The following RYR3 variants were observed in gnomAD, a reference collection of about 807,000 sequenced individuals.
RYR3 encodes the protein brain ryanodine receptor-calcium release channel.
In RYR3, 207 loss-of-function variants were observed where a neutral mutation model predicts 584.3. The observed-to-expected ratio is 0.35, with a 90% CI of 0.32 to 0.40. The LOEUF (loss-of-function observed/expected upper bound fraction) is 0.40. Ranked by LOEUF, RYR3 falls within the 10% of genes least tolerant of loss-of-function variation. RYR3 has a pLI of 1.00. For synonymous variants in RYR3, 2,416 were observed against 2,248.5 expected, an observed-to-expected ratio of 1.07 and a Z score of -2.11; for missense variants, 5,616 against 6,089.2, an observed-to-expected ratio of 0.92 and a Z score of 2.59.
chr15:33,757,761 A>G, intron 60 of RYR3, 165 bp downstream of exon 60: 2 of 725,898 alleles, frequency 2.8e-6, no homozygotes, highest in South Asian at 3.7e-5. Context: ...TATCTGAATT[A>G]TTTCAGCAAC....
chr15:33,660,312 C>G lies in RYR3; in HGVS notation c.4511C>G (p.Pro1504Arg). ...TIQPVLWSRM[P>R]NSFLKVETER... ...CAGCCCGTGCTCTGGAGCCGCATGC[C>G]CAACAGCTTCCTGAAGGTGGAGACC... The change falls in exon 34 of 104, where the codon CCC becomes CGC. Residue 1504 changes from proline (P) to arginine (R), a missense_variant. Physicochemically the swap from Pro to Arg is moderately radical, Grantham distance 103. Around this residue, in one of 9 missense-constraint regions of RYR3, gnomAD observed 753 missense variants for 741.0 expected, o/e 1.02. Transcript: ENST00000634891. 1 of 1,584,078 alleles carries G rather than the reference C, an allele frequency of 6.3e-7. No individual in the cohort carries two copies. Among genetic ancestry groups the G allele is most frequent in the Non-Finnish European group, 8.6e-7 (1 of 1,165,394 alleles).
At chr15:33,780,155 TGCATGGGGCCA>T in intron 64 of RYR3, 45 bp from the exon 65 acceptor site, 1 of 1,593,028 alleles carries the variant, frequency 6.3e-7, no homozygotes, top group East Asian at 2.2e-5. Context: ...GATCTGCCAA[TGCATGGGGCCA>T]GCATGTGGGG....
At chr15:33,579,675 CTA>C (rs2058494676) in intron 12 of RYR3, among the ~76,000 whole-genome samples, 1 of 152,110 alleles carries the variant, frequency 6.6e-6, no homozygotes, top group African/African-American at 2.4e-5. Context: ...CCCATTGACG[CTA>C]TGTGCTGAAA....
intron 3 of RYR3, among the ~76,000 whole-genome samples, chr15:33,517,432 C>A (rs2053613112): frequency 6.6e-6 from 1 of 152,222 alleles, no homozygotes; most frequent in Non-Finnish European, 1.5e-5. Context: ...GTAATGTAAC[C>A]TAAATGTACA....
At chr15:33,517,158 CT>C (rs993746052) in intron 3 of RYR3, among the ~76,000 whole-genome samples, 1 of 152,160 alleles carries the variant, frequency 6.6e-6, no homozygotes, top group African/African-American at 2.4e-5. Flanking sequence ...CCACATCCAG[CT>C]AATTTTTGTA....
At chr15:33,386,604 A>G (rs932677137) in intron 1 of RYR3, among the ~76,000 whole-genome samples, 14 of 152,206 alleles carry the variant, frequency 9.2e-5, no homozygotes, top group Non-Finnish European at 1.8e-4. Flanking sequence ...AAGTATATTC[A>G]TATCATTGTG....
At chr15:33,803,402 G>A (rs2076018837) in intron 69 of RYR3, among the ~76,000 whole-genome samples, 2 of 152,306 alleles carry the variant, frequency 1.3e-5, no homozygotes, top group African/African-American at 4.8e-5. Context: ...ACCTTTCGGG[G>A]ACAGCTAGCT....
chr15:33,668,519 A>C (rs1326290644), intron 36 of RYR3, among the ~76,000 whole-genome samples: 1 of 152,250 alleles, frequency 6.6e-6, no homozygotes, highest in African/African-American at 2.4e-5. Context: ...ATGAAATACA[A>C]AATAAAATTA....
At chr15:33,818,482 C>G (rs944052809) in intron 75 of RYR3, 96 bp from the exon 76 acceptor site, 1 of 838,512 alleles carries the variant, frequency 1.2e-6, no homozygotes, top group South Asian at 1.6e-5. Flanking sequence ...CTGATGCACT[C>G]TGTGCCTTGC....
At chr15:33,651,099 T>C (rs981989234) in intron 31 of RYR3, among the ~76,000 whole-genome samples, 6 of 152,242 alleles carry the variant, frequency 3.9e-5, no homozygotes, top group East Asian at 1.9e-4. Flanking sequence ...CCATACTTAC[T>C]GTGAACATTA....
At chr15:33,600,149 G>A (rs2059587630) in intron 16 of RYR3, among the ~76,000 whole-genome samples, 1 of 152,138 alleles carries the variant, frequency 6.6e-6, no homozygotes, top group South Asian at 2.1e-4. Flanking sequence ...AACTGCATTT[G>A]GGATTCTTTT....
At chr15:33,736,731 T>A (rs2069499533) in intron 49 of RYR3, among the ~76,000 whole-genome samples, 1 of 151,892 alleles carries the variant, frequency 6.6e-6, no homozygotes, top group African/African-American at 2.4e-5. Flanking sequence ...GTAAGAAATC[T>A]TTTTTGTTTG....
chr15:33,421,002 T>C (rs1457835899), intron 1 of RYR3, among the ~76,000 whole-genome samples: 1 of 152,114 alleles, frequency 6.6e-6, no homozygotes, highest in African/African-American at 2.4e-5. Flanking sequence ...TAGGGAAAAT[T>C]ACCTTACAAA....
At chr15:33,739,734 G>T (rs113279864) in intron 50 of RYR3, 98 bp from the exon 51 acceptor site, 30 of 973,002 alleles carry the variant, frequency 3.1e-5, no homozygotes, top group Non-Finnish European at 4.5e-5. Context: ...GGATAAATGC[G>T]CGTATTTTAT....
intron 38 of RYR3, among the ~76,000 whole-genome samples, chr15:33,672,475 C>T (rs1465181840): frequency 6.6e-6 from 1 of 152,126 alleles, no homozygotes; most frequent in East Asian, 1.9e-4. Context: ...CTTGGGATCC[C>T]AGAAATAGAC....
chr15:33,311,602 C>T lies in RYR3; in HGVS notation c.51+506C>T, dbSNP rs950773736. ...TGGGGAGCCGGGTCGGAGAAGCGGGCGCAGGCGCTTGGTCCTAGCCCTGGG... is the reference window on the plus strand; with the variant it reads ...TGGGGAGCCGGGTCGGAGAAGCGGGTGCAGGCGCTTGGTCCTAGCCCTGGG... On this transcript the variant is annotated intron_variant, in intron 1 of 103. Coordinates refer to ENST00000634891, the MANE Select transcript of RYR3 (RefSeq NM_001036.6). This position sits in a 1 kb window ranked among gnomAD's most constrained non-coding sequence, Gnocchi z 4.4. 6.6e-6 allele frequency among the ~76,000 whole-genome samples: 1 copy of T among 152,152 alleles called. No homozygotes were observed. Among genetic ancestry groups the T allele is most frequent in the Middle Eastern group, 3.2e-3 (1 of 316 alleles).
chr15:33,400,371 C>T (rs560519029), intron 1 of RYR3, among the ~76,000 whole-genome samples: 55 of 152,280 alleles, frequency 3.6e-4, no homozygotes, highest in African/African-American at 1.2e-3. Flanking sequence ...CTCCTTCCCC[C>T]CGCCACACAC....
intron 43 of RYR3, among the ~76,000 whole-genome samples, chr15:33,716,727 G>A (rs984097634): frequency 1.3e-5 from 2 of 152,170 alleles, no homozygotes; most frequent in African/African-American, 4.8e-5. Flanking sequence ...GGATTCCAAC[G>A]ATAGTGATAA....
intron 20 of RYR3, among the ~76,000 whole-genome samples, chr15:33,626,094 G>A (rs960594231): frequency 6.6e-6 from 1 of 152,160 alleles, no homozygotes; most frequent in African/African-American, 2.4e-5. Context: ...ACTCCTGTCT[G>A]GGCTGCCTCT....
Sources: allele counts gnomAD v4.1 joint callset (sites outside exome capture counted in the v4.1 genomes callset), GRCh38; gene constraint gnomAD v4.1.1; regional missense constraint gnomAD v4.1.1; non-coding constraint Gnocchi (gnomAD v3.1); transcripts MANE v1.5; gene names NCBI Gene and HGNC (gene_info 2026-07-23, HGNC 2026-07-21).